Variants in CRMP1 observed in about 807,000 individuals in gnomAD.
The protein encoded by CRMP1 is collapsin response mediator protein 1, also known as dihydropyrimidinase-related protein 1.
A neutral mutation model predicts 68.3 loss-of-function variants in CRMP1; 19 were observed. The observed-to-expected ratio is 0.28, with a 90% CI of 0.19 to 0.41. The LOEUF (loss-of-function observed/expected upper bound fraction) is 0.41. CRMP1 is among the 10% of genes least tolerant of loss of function. The pLI, the probability that CRMP1 is intolerant of heterozygous loss-of-function variation, is 1.00. For missense variants in CRMP1, 791 were observed against 967.4 expected (o/e 0.82, Z 2.42); for synonymous variants, 439 against 399.6 (o/e 1.10, Z -1.18).
At chr4:5,828,773 G>GTT in intron 11 of CRMP1, 105 bp from the exon 12 acceptor site, 8 of 1,295,628 alleles carry the variant, frequency 6.2e-6, no homozygotes, top group Non-Finnish European at 7.3e-6. Context: ...GTGTTCCAAT[G>GTT]TTTTTTTTTC....
At chr4:5,826,104 A>G (rs6846731) in intron 12 of CRMP1, 19,695 of 228,736 alleles carry the variant, frequency 0.086, 1,474 homozygotes, top group African/African-American at 0.23. Context: ...ATACAGGTAT[A>G]CACACCCATA....
At position 5,866,166 on chromosome 4, in the gene CRMP1, T is replaced by A. The variant is rs2152469902; in HGVS notation, c.470+502A>T. Among the ~76,000 whole-genome samples the A allele has an allele frequency of 6.6e-6, 1 of 152,276 alleles. No individual in the cohort carries two copies. Among genetic ancestry groups the A allele is most frequent in the East Asian group, 1.9e-4 (1 of 5,166 alleles). ...AAAGGGAAGGAAACTCCAGCCCCAA[T>A]GTCTATCTTTTCTTTAAGTGCCAAG... On this transcript the variant is annotated intron_variant, in intron 2 of 13. Coordinates refer to ENST00000324989, the MANE Select transcript of CRMP1 (RefSeq NM_001014809.3). This position sits in a 1 kb window ranked among gnomAD's most constrained non-coding sequence, Gnocchi z 5.9.
chr4:5,854,522 G>A lies in CRMP1; in HGVS notation c.820+1621C>T, dbSNP rs1712903869. On this transcript the variant is annotated intron_variant, in intron 4 of 13. Coordinates refer to ENST00000324989, the MANE Select transcript of CRMP1 (RefSeq NM_001014809.3). This position sits in a 1 kb window ranked among gnomAD's most constrained non-coding sequence, Gnocchi z 4.0. ...AGCCTCCCGAAGTGCTAGGATTACAGGCATGAGCCACCATGGCCAATAATG... is the reference window on the plus strand; with the variant it reads ...AGCCTCCCGAAGTGCTAGGATTACAAGCATGAGCCACCATGGCCAATAATG... Among the ~76,000 whole-genome samples, 1 of 151,312 alleles carries A rather than the reference G, an allele frequency of 6.6e-6. No individual in the cohort carries two copies.
rs1277463579 is a variant in CRMP1 at position 5,834,229 on chromosome 4, G to A, written c.1623+1686C>T. Among the ~76,000 whole-genome samples, 1 of 152,206 alleles carries A rather than the reference G, an allele frequency of 6.6e-6. No individual in the cohort carries two copies. Among genetic ancestry groups the A allele is most frequent in the Non-Finnish European group, 1.5e-5 (1 of 68,042 alleles). On this transcript the variant is annotated intron_variant, in intron 11 of 13. Coordinates refer to ENST00000324989, the MANE Select transcript of CRMP1 (RefSeq NM_001014809.3). This position sits in a 1 kb window ranked among gnomAD's most constrained non-coding sequence, Gnocchi z 4.3. Reference sequence around the variant, plus strand: ...GTAGGAGTGCACACCCTGTGCTATGGTTGGAATATCCCCTCAAAATTCAAC... The same window carrying A: ...GTAGGAGTGCACACCCTGTGCTATGATTGGAATATCCCCTCAAAATTCAAC...
chr4:5,888,399 G>A lies in CRMP1; in HGVS notation c.381+4190C>T. ...GGATAGAGACACGGACGGAGGCTCG[G>A]CGCCCGTGGATGCCCACGCGCGGCT... On this transcript the variant is annotated intron_variant, in intron 1 of 13. Transcript: ENST00000324989. The surrounding 1 kb of genome is among the most constrained non-coding windows in gnomAD (Gnocchi z 6.4). 1 of 1,220,596 alleles carries A rather than the reference G, an allele frequency of 8.2e-7. No homozygotes were observed. Among genetic ancestry groups the A allele is most frequent in the Non-Finnish European group, 1.0e-6 (1 of 980,190 alleles). The allele number at this position is 1,220,596 out of a possible 1,614,324, so 75.6% of individuals were successfully genotyped here. A position where few individuals can be genotyped will look rare whatever the true frequency, so the allele number is the denominator to read the frequency against.
chr4:5,824,590 C>T (rs1192922620), intron 13 of CRMP1: 35 of 959,876 alleles, frequency 3.6e-5, no homozygotes, highest in Non-Finnish European at 4.2e-5. Context: ...TCCGGCCCAC[C>T]GCCTGTTTCT....
intron 2 of CRMP1, among the ~76,000 whole-genome samples, chr4:5,862,378 C>T (rs1419995969): frequency 6.6e-6 from 1 of 152,138 alleles, no homozygotes; most frequent in Non-Finnish European, 1.5e-5. Flanking sequence ...TGTCCACCAC[C>T]ACTACTAATA....
At chr4:5,833,387 C>T (rs1013070580) in intron 11 of CRMP1, among the ~76,000 whole-genome samples, 6 of 88,092 alleles carry the variant, frequency 6.8e-5, no homozygotes, top group South Asian at 3.4e-4. Context: ...GGGATGGTCT[C>T]GATCTCCTGA....
At chr4:5,833,565 T>C (rs1720527371) in intron 11 of CRMP1, among the ~76,000 whole-genome samples, 1 of 152,184 alleles carries the variant, frequency 6.6e-6, no homozygotes, top group Non-Finnish European at 1.5e-5. Context: ...GTCCTCTCTC[T>C]CTCTCCATTT....
chr4:5,863,684 G>A (rs930706945), intron 2 of CRMP1, among the ~76,000 whole-genome samples: 2 of 152,286 alleles, frequency 1.3e-5, no homozygotes, highest in Middle Eastern at 6.8e-3. Context: ...CCAAGGCTGA[G>A]TGAGTTAAAT....
intron 11 of CRMP1, among the ~76,000 whole-genome samples, chr4:5,828,998 T>TC (rs1225663683): frequency 2.6e-5 from 4 of 152,076 alleles, no homozygotes; most frequent in Non-Finnish European, 5.9e-5. Context: ...AAAATGTTCT[T>TC]CATTTTACTT....
At chr4:5,831,461 A>G (rs1049189191) in intron 11 of CRMP1, among the ~76,000 whole-genome samples, 1 of 152,210 alleles carries the variant, frequency 6.6e-6, no homozygotes, top group African/African-American at 2.4e-5. Context: ...GGACCCAGGC[A>G]GACAGTGCGT....
Position 5,841,452 on chromosome 4 carries a change from A to G in CRMP1, c.1033-24T>C. ...AGCTGAACACGGCACACACAGTGTC[A>G]CAGGAGGGAAGGCTGGTGTAACAGC... On this transcript the variant is annotated intron_variant, in intron 7 of 13. Coordinates refer to ENST00000324989, the MANE Select transcript of CRMP1 (RefSeq NM_001014809.3). The surrounding 1 kb of genome is among the most constrained non-coding windows in gnomAD (Gnocchi z 6.9). 6.2e-7 allele frequency: 1 copy of G among 1,612,484 alleles called. No homozygotes were observed. Among genetic ancestry groups the G allele is most frequent in the Non-Finnish European group, 8.5e-7 (1 of 1,178,660 alleles).
chr4:5,869,013 A>G (rs984636641), intron 1 of CRMP1, among the ~76,000 whole-genome samples: 1 of 152,094 alleles, frequency 6.6e-6, no homozygotes, highest in Admixed American at 6.5e-5. Context: ...GTGAAGTGGC[A>G]TGATCATAGC....
intron 12 of CRMP1, chr4:5,826,448 T>A (rs1719639128): frequency 6.7e-6 from 1 of 148,372 alleles, no homozygotes. Flanking sequence ...CTGGGGATGC[T>A]GTGGGGAGGA....
chr4:5,866,959 GTT>G lies in CRMP1; in HGVS notation c.382-205_382-204del. On this transcript the variant is annotated intron_variant, in intron 1 of 13. Transcript: ENST00000324989. This position sits in a 1 kb window ranked among gnomAD's most constrained non-coding sequence, Gnocchi z 5.9. ...TTTCACCTTTCTCCCCTCTCACTTTGTTTTGTTTTTGCTGAGGTGTTTTAAAA... is the reference window on the plus strand; with the variant it reads ...TTTCACCTTTCTCCCCTCTCACTTTGTTGTTTTTGCTGAGGTGTTTTAAAA... 6.6e-6 allele frequency among the ~76,000 whole-genome samples: 1 copy of G among 151,896 alleles called. No individual in the cohort carries two copies. The highest frequency in any genetic ancestry group is 2.1e-4 in the South Asian group (1 of 4,792).
intron 1 of CRMP1, among the ~76,000 whole-genome samples, chr4:5,882,007 C>A (rs954772268): frequency 6.6e-6 from 1 of 152,146 alleles, no homozygotes. Flanking sequence ...ACCTAAGAAC[C>A]AATGGTGGGA....
In CRMP1 at chr4:5,821,715, A is replaced by G. The variant is rs765676265; in HGVS notation, c.*45T>C. On this transcript the variant is annotated 3_prime_UTR_variant, in exon 14 of 14. Transcript: ENST00000324989. This position sits in a 1 kb window ranked among gnomAD's most constrained non-coding sequence, Gnocchi z 4.4. ...AACACTGACAGGAAAAGGGATGGAC[A>G]TGATTCCCAGAATCCTTCAGGCTAG... 3.9e-6 allele frequency: 6 copies of G among 1,531,244 alleles called. No individual in the cohort carries two copies. The highest frequency in any genetic ancestry group is 2.3e-5 in the East Asian group (1 of 42,874). The allele number at this position is 1,531,244 out of a possible 1,614,324, so 94.9% of individuals were successfully genotyped here.
chr4:5,892,372 G>A lies in CRMP1; in HGVS notation c.381+217C>T, dbSNP rs1203211436. On this transcript the variant is annotated intron_variant, in intron 1 of 13. Coordinates refer to ENST00000324989, the MANE Select transcript of CRMP1 (RefSeq NM_001014809.3). This position sits in a 1 kb window ranked among gnomAD's most constrained non-coding sequence, Gnocchi z 8.6. Reference sequence around the variant, plus strand: ...GGACTGGACCCGGGCGATCCCTTCCGAGTCTCACGGACCACGCCGGCCAGC... The same window carrying A: ...GGACTGGACCCGGGCGATCCCTTCCAAGTCTCACGGACCACGCCGGCCAGC... 6.6e-6 allele frequency among the ~76,000 whole-genome samples: 1 copy of A among 152,172 alleles called. No homozygotes were observed. Among genetic ancestry groups the A allele is most frequent in the Non-Finnish European group, 1.5e-5 (1 of 68,022 alleles).
Sources: gnomAD v4.1 joint callset for allele counts (sites outside exome capture counted in the v4.1 genomes callset) on GRCh38, gnomAD v4.1.1 for gene constraint, Gnocchi (gnomAD v3.1) non-coding constraint, MANE v1.5 for transcripts, NCBI Gene and HGNC (gene_info 2026-07-23, HGNC 2026-07-21) for gene names.